H1-5: variants seen among roughly 807,000 people sequenced by gnomAD.
H1-5 encodes H1.5 linker histone, cluster member, also known as histone H1.5.
Under a neutral mutation model 4.6 loss-of-function variants are expected in H1-5, and 3 were observed. The ratio of observed to expected loss-of-function variants is 0.65; its 90% confidence interval spans 0.30 to 1.68. The LOEUF (loss-of-function observed/expected upper bound fraction) is 1.68, where lower values mean the gene tolerates loss of function less well. Among genes scored for constraint, H1-5 ranks in the 40% most tolerant of loss-of-function variants. H1-5 has a pLI of 0.10. For missense variants in H1-5, 521 were observed against 287.9 expected, an observed-to-expected ratio of 1.81 and a Z score of -5.86; for synonymous variants, 250 against 123.4, an observed-to-expected ratio of 2.03 and a Z score of -6.80.
In H1-5 at chr6:27,866,858, T is replaced by C. The variant is rs1306552166; in HGVS notation, c.672A>G (p.Lys224=). The C allele has an allele frequency of 1.9e-6, 3 of 1,591,404 alleles. No individual in the cohort carries two copies. Among genetic ancestry groups the C allele is most frequent in the South Asian group, 1.1e-5 (1 of 87,148 alleles). Residue 224 remains lysine (K), a synonymous_variant, in exon 1 of 1, where the codon AAA becomes AAG. Transcript: ENST00000331442. ...TTCACACGCCAGCTTCCTACTTCTTTTTGGCAGCCGCCTTCTTGGCCTTTG... is the reference window on the plus strand; with the variant it reads ...TTCACACGCCAGCTTCCTACTTCTTCTTGGCAGCCGCCTTCTTGGCCTTTG... ...KAAKAKKAAA[K]KK
In H1-5 at chr6:27,867,373, C is replaced by A. The variant is rs574275810; in HGVS notation, c.157G>T (p.Ala53Ser). 2 of 1,614,146 alleles carry A rather than the reference C, an allele frequency of 1.2e-6. No homozygotes were observed. The highest frequency in any genetic ancestry group is 1.7e-6 in the Non-Finnish European group (2 of 1,180,054). ...VSELITKAVA[A>S]SKERNGLSLA... is the part of the protein sequence containing the mutation. Reference sequence around the variant, plus strand: ...GAAAGGCCATTGCGCTCCTTAGAAGCAGCCACAGCCTTGGTGATCAGCTCT... The same window carrying A: ...GAAAGGCCATTGCGCTCCTTAGAAGAAGCCACAGCCTTGGTGATCAGCTCT... The change falls in exon 1 of 1, where the codon GCT becomes TCT. Residue 53 changes from alanine (A) to serine (S), a missense_variant. Physicochemically the swap from Ala to Ser is moderately conservative, Grantham distance 99. Coordinates refer to ENST00000331442, the MANE Select transcript of H1-5 (RefSeq NM_005322.3).
rs764037159 is a variant in H1-5, at chr6:27,866,892, G to C, written c.638C>G (p.Pro213Arg). ...PKAAKPKAAK[P>R]KAAKAKKAAA... is the part of the protein sequence containing the mutation. ...CGCCTTCTTGGCCTTTGCAGCTTTA[G>C]GTTTTGCTGCTTTGGGCTTAGCGGC... Residue 213 changes from proline (P) to arginine (R), a missense_variant, in exon 1 of 1, where the codon CCT (proline) becomes CGT (arginine). Coordinates refer to ENST00000331442, the MANE Select transcript of H1-5 (RefSeq NM_005322.3). 1.2e-6 allele frequency: 2 copies of C among 1,606,794 alleles called. No individual in the cohort carries two copies. The highest frequency in any genetic ancestry group is 1.7e-5 in the Admixed American group (1 of 57,756).
chr6:27,867,157 T>C lies in H1-5; in HGVS notation c.373A>G (p.Lys125Glu). Residue 125 changes from lysine (K) to glutamate (E), a missense_variant, in exon 1 of 1, where the codon AAG becomes GAG. Coordinates refer to ENST00000331442, the MANE Select transcript of H1-5 (RefSeq NM_005322.3). ...TTCTTAGCTTTAGCGGCGCCTGCCT[T>C]CTTGGCTTTGGGCTTGGCTTCCCCG... is the stretch of plus-strand genomic sequence containing the variant. Reference protein sequence around the residue: ...ASGEAKPKAKKAGAAKAKKPA... With the variant: ...ASGEAKPKAKEAGAAKAKKPA... The C allele has an allele frequency of 7.4e-6, 12 of 1,614,140 alleles. No homozygotes were observed. The highest frequency in any genetic ancestry group is 1.0e-5 in the Non-Finnish European group (12 of 1,180,018).
In H1-5 at chr6:27,867,073, T is replaced by C. The variant is rs1484985687; in HGVS notation, c.457A>G (p.Lys153Glu). ...KKAAGAKKAV[K>E]KTPKKAKKPA... ...TTCTTCGCCTTCTTCGGAGTCTTCT[T>C]CACTGCCTTTTTCGCCCCTGCAGCC... The change falls in exon 1 of 1, where the codon AAG (lysine) becomes GAG (glutamate). Residue 153 changes from lysine (K) to glutamate (E), a missense_variant. Transcript: ENST00000331442. 1 of 1,613,754 alleles carries C rather than the reference T, an allele frequency of 6.2e-7. No homozygotes were observed. The highest frequency in any genetic ancestry group is 2.2e-5 in the East Asian group (1 of 44,880).
chr6:27,866,891 A>G lies in H1-5; in HGVS notation c.639T>C (p.Pro213=). ...PKAAKPKAAK[P]KAAKAKKAAA... ...CCGCCTTCTTGGCCTTTGCAGCTTTAGGTTTTGCTGCTTTGGGCTTAGCGG... is the reference window on the plus strand; with the variant it reads ...CCGCCTTCTTGGCCTTTGCAGCTTTGGGTTTTGCTGCTTTGGGCTTAGCGG... The change falls in exon 1 of 1, where the codon CCT becomes CCC. Residue 213 remains proline (P), a synonymous_variant. Coordinates refer to ENST00000331442, the MANE Select transcript of H1-5 (RefSeq NM_005322.3). 6.2e-7 allele frequency: 1 copy of G among 1,605,568 alleles called. No individual in the cohort carries two copies. The highest frequency in any genetic ancestry group is 8.5e-7 in the Non-Finnish European group (1 of 1,177,830).
At position 27,866,923 on chromosome 6, in the gene H1-5, G is replaced by A. The variant is rs772515913; in HGVS notation, c.607C>T (p.Pro203Ser). The A allele has an allele frequency of 6.2e-6, 10 of 1,613,818 alleles. No individual in the cohort carries two copies. The highest frequency in any genetic ancestry group is 2.7e-5 in the African/African-American group (2 of 74,884). Residue 203 changes from proline to serine, a missense_variant, in exon 1 of 1, where the codon CCC (proline) becomes TCC (serine). Physicochemically the swap from Pro to Ser is moderately conservative, Grantham distance 74 (BLOSUM62 -1). Coordinates refer to ENST00000331442, the MANE Select transcript of H1-5 (RefSeq NM_005322.3). ...PKAVKPKAAKPKAAKPKAAKP... is the reference protein window; with the variant it reads ...PKAVKPKAAKSKAAKPKAAKP... Reference sequence around the variant, plus strand: ...GCTGCTTTGGGCTTAGCGGCTTTGGGCTTTGCCGCCTTCGGCTTAACTGCC... The same window carrying A: ...GCTGCTTTGGGCTTAGCGGCTTTGGACTTTGCCGCCTTCGGCTTAACTGCC...
Position 27,866,795 on chromosome 6 carries a change from G to A in H1-5, c.*54C>T, listed in dbSNP as rs1761517810. On this transcript the variant is annotated 3_prime_UTR_variant, in exon 1 of 1. Transcript: ENST00000331442. Reference sequence around the variant, plus strand: ...ACAGCCATTTTTTAGAGGTCTCTGGGTGGCTCTGAAAAGAGCCTTTGGGGC... The same window carrying A: ...ACAGCCATTTTTTAGAGGTCTCTGGATGGCTCTGAAAAGAGCCTTTGGGGC... The A allele has an allele frequency of 4.9e-6, 7 of 1,415,718 alleles. No individual in the cohort carries two copies. The highest frequency in any genetic ancestry group is 6.7e-6 in the Non-Finnish European group (7 of 1,051,242). The allele number at this position is 1,415,718 out of a possible 1,614,324, so 87.7% of individuals were successfully genotyped here. A position where few individuals can be genotyped will look rare whatever the true frequency, so the allele number is the denominator to read the frequency against.
In H1-5 at chr6:27,866,864, AGCCGCCTTCTTGGCCTTT is replaced by A; in HGVS notation, c.648_665del (p.Lys217_Ala222del). On this transcript the variant is annotated inframe_deletion, in exon 1 of 1. Coordinates refer to ENST00000331442, the MANE Select transcript of H1-5 (RefSeq NM_005322.3). The stretch of plus-strand genomic sequence containing the variant: ...CGCCAGCTTCCTACTTCTTTTTGGC[AGCCGCCTTCTTGGCCTTT>A]GCAGCTTTAGGTTTTGCTGCTTTGG... 1 of 1,590,522 alleles carries A rather than the reference AGCCGCCTTCTTGGCCTTT, an allele frequency of 6.3e-7. No individual in the cohort carries two copies. The highest frequency in any genetic ancestry group is 8.5e-7 in the Non-Finnish European group (1 of 1,173,422).
At position 27,867,164 on chromosome 6, in the gene H1-5, T is replaced by C. The variant is rs756204649; in HGVS notation, c.366A>G (p.Lys122=). 35 of 1,614,038 alleles carry C rather than the reference T, an allele frequency of 2.2e-5. No homozygotes were observed. Among genetic ancestry groups the C allele is most frequent in the Non-Finnish European group, 2.7e-5 (32 of 1,180,010 alleles). ...KKAASGEAKP[K]AKKAGAAKAK... ...CTTTAGCGGCGCCTGCCTTCTTGGC[T>C]TTGGGCTTGGCTTCCCCGGAGGCCG... The change falls in exon 1 of 1, where the codon AAA becomes AAG. Residue 122 remains lysine (K), a synonymous_variant. Coordinates refer to ENST00000331442, the MANE Select transcript of H1-5 (RefSeq NM_005322.3).
In H1-5 at chr6:27,867,053, C is replaced by A. The variant is rs114406891; in HGVS notation, c.477G>T (p.Ala159=). ...KKAVKKTPKK[A]KKPAAAGVKK... is the part of the protein sequence containing the mutation. Reference sequence around the variant, plus strand: ...TGACGCCAGCCGCCGCGGGCTTCTTCGCCTTCTTCGGAGTCTTCTTCACTG... The same window carrying A: ...TGACGCCAGCCGCCGCGGGCTTCTTAGCCTTCTTCGGAGTCTTCTTCACTG... The change falls in exon 1 of 1, where the codon GCG becomes GCT. Residue 159 remains alanine (A), a synonymous_variant. Transcript: ENST00000331442. 2.0e-5 allele frequency: 33 copies of A among 1,613,670 alleles called. No individual in the cohort carries two copies. The highest frequency in any genetic ancestry group is 5.0e-5 in the Admixed American group (3 of 59,930).
In H1-5 at chr6:27,866,969, G is replaced by C. The variant is rs769578257; in HGVS notation, c.561C>G (p.Thr187=). Residue 187 remains threonine (T), a synonymous_variant, in exon 1 of 1, where the codon ACC becomes ACG. Transcript: ENST00000331442. The stretch of plus-strand genomic sequence containing the variant: ...CTGCCTTGGGCTTGGCAGGACTCTT[G>C]GTTGCCTTTTTCGGTTTGGCAGCGG... ...AKAAAKPKKA[T]KSPAKPKAVK... 3.7e-6 allele frequency: 6 copies of C among 1,614,216 alleles called. No homozygotes were observed. Among genetic ancestry groups the C allele is most frequent in the East Asian group, 4.5e-5 (2 of 44,882 alleles).
chr6:27,867,133 T>C lies in H1-5; in HGVS notation c.397A>G (p.Lys133Glu), dbSNP rs960161336. 2 of 1,614,010 alleles carry C rather than the reference T, an allele frequency of 1.2e-6. No individual in the cohort carries two copies. Among genetic ancestry groups the C allele is most frequent in the Admixed American group, 1.7e-5 (1 of 60,014 alleles). Residue 133 changes from lysine (K) to glutamate (E), a missense_variant, in exon 1 of 1, where the codon AAG (lysine) becomes GAG (glutamate). Transcript: ENST00000331442. The part of the protein sequence containing the change: ...AKKAGAAKAK[K>E]PAGATPKKAK... ...TTCTTAGGCGTGGCCCCCGCGGGCT[T>C]CTTAGCTTTAGCGGCGCCTGCCTTC...
Position 27,867,459 on chromosome 6 carries a change from G to A in H1-5, c.71C>T (p.Ala24Val), listed in dbSNP as rs754356890. ...GCCGGCGCCGGCAGCCTTCTTAGTT[G>A]CCTTCTTCTTAGCCGGGGATTTCTC... ...PVEKSPAKKK[A>V]TKKAAGAGAA... Residue 24 changes from alanine (A) to valine (V), a missense_variant, in exon 1 of 1, where the codon GCA (alanine) becomes GTA (valine). Coordinates refer to ENST00000331442, the MANE Select transcript of H1-5 (RefSeq NM_005322.3). 5 of 1,601,266 alleles carry A rather than the reference G, an allele frequency of 3.1e-6. No individual in the cohort carries two copies. In the African/African-American group the frequency reaches 4.1e-5, roughly 13 times the overall value.
chr6:27,867,084 T>G lies in H1-5; in HGVS notation c.446A>C (p.Lys149Thr). 1 of 1,613,786 alleles carries G rather than the reference T, an allele frequency of 6.2e-7. No individual in the cohort carries two copies. The highest frequency in any genetic ancestry group is 8.5e-7 in the Non-Finnish European group (1 of 1,179,864). Residue 149 changes from lysine (K) to threonine (T), a missense_variant, in exon 1 of 1, where the codon AAA becomes ACA. Physicochemically the swap from Lys to Thr is moderately conservative, Grantham distance 78. Transcript: ENST00000331442. ...CTTCGGAGTCTTCTTCACTGCCTTTTTCGCCCCTGCAGCCTTCTTGGCCTT... is the reference window on the plus strand; with the variant it reads ...CTTCGGAGTCTTCTTCACTGCCTTTGTCGCCCCTGCAGCCTTCTTGGCCTT... ...PKKAKKAAGA[K>T]KAVKKTPKKA... is the part of the protein sequence containing the mutation.
chr6:27,867,364 C>T lies in H1-5; in HGVS notation c.166G>A (p.Glu56Lys), dbSNP rs1186033330. 3.7e-6 allele frequency: 6 copies of T among 1,614,164 alleles called. No individual in the cohort carries two copies. Among genetic ancestry groups the T allele is most frequent in the Non-Finnish European group, 5.1e-6 (6 of 1,180,056 alleles). ...GCTGCCAAAGAAAGGCCATTGCGCT[C>T]CTTAGAAGCAGCCACAGCCTTGGTG... Reference protein sequence around the residue: ...LITKAVAASKERNGLSLAALK... With the variant: ...LITKAVAASKKRNGLSLAALK... The change falls in exon 1 of 1, where the codon GAG (glutamate) becomes AAG (lysine). Residue 56 changes from glutamate to lysine, a missense_variant. Glu to Lys is a moderately conservative substitution (Grantham distance 56). Transcript: ENST00000331442.
chr6:27,867,170 C>G lies in H1-5; in HGVS notation c.360G>C (p.Lys120Asn), dbSNP rs201327319. The G allele has an allele frequency of 2.5e-6, 4 of 1,614,062 alleles. No homozygotes were observed. Among genetic ancestry groups the G allele is most frequent in the African/African-American group, 2.7e-5 (2 of 74,938 alleles). The change falls in exon 1 of 1, where the codon AAG (lysine) becomes AAC (asparagine). Residue 120 changes from lysine (K) to asparagine (N), a missense_variant. Transcript: ENST00000331442. ...LNKKAASGEAKPKAKKAGAAK... is the reference protein window; with the variant it reads ...LNKKAASGEANPKAKKAGAAK... ...CGGCGCCTGCCTTCTTGGCTTTGGG[C>G]TTGGCTTCCCCGGAGGCCGCCTTCT... is the stretch of plus-strand genomic sequence containing the variant.
At position 27,866,827 on chromosome 6, in the gene H1-5, G is replaced by A. The variant is rs1335218065; in HGVS notation, c.*22C>T. 5.8e-6 allele frequency: 9 copies of A among 1,563,156 alleles called. No individual in the cohort carries two copies. The highest frequency in any genetic ancestry group is 2.2e-5 in the East Asian group (1 of 44,502). ...TGAAAAGAGCCTTTGGGGCTTTGTTGCGGTTTTCACACGCCAGCTTCCTAC... is the reference window on the plus strand; with the variant it reads ...TGAAAAGAGCCTTTGGGGCTTTGTTACGGTTTTCACACGCCAGCTTCCTAC... On this transcript the variant is annotated 3_prime_UTR_variant, in exon 1 of 1. Coordinates refer to ENST00000331442, the MANE Select transcript of H1-5 (RefSeq NM_005322.3).
chr6:27,867,410 C>A lies in H1-5; in HGVS notation c.120G>T (p.Gly40=), dbSNP rs571917264. Reference sequence around the variant, plus strand: ...TGGTGATCAGCTCTGAGACTGGGGGCCCCGTCGCTTTGCGCTTAGCAGCGC... The same window carrying A: ...TGGTGATCAGCTCTGAGACTGGGGGACCCGTCGCTTTGCGCTTAGCAGCGC... ...GAGAAKRKAT[G]PPVSELITKA... is the part of the protein sequence containing the mutation. Residue 40 remains glycine (G), a synonymous_variant, in exon 1 of 1, where the codon GGG becomes GGT. Transcript: ENST00000331442. 1.9e-6 allele frequency: 3 copies of A among 1,613,960 alleles called. No homozygotes were observed. The highest frequency in any genetic ancestry group is 1.7e-4 in the Middle Eastern group (1 of 6,060).
In H1-5 at chr6:27,867,443, G is replaced by A. The variant is rs762937170; in HGVS notation, c.87C>T (p.Ala29=). The A allele has an allele frequency of 6.2e-6, 10 of 1,609,178 alleles. No individual in the cohort carries two copies. Among genetic ancestry groups the A allele is most frequent in the East Asian group, 2.2e-5 (1 of 44,822 alleles). ...PAKKKATKKA[A]GAGAAKRKAT... is the part of the protein sequence containing the mutation. ...CTTTGCGCTTAGCAGCGCCGGCGCCGGCAGCCTTCTTAGTTGCCTTCTTCT... is the reference window on the plus strand; with the variant it reads ...CTTTGCGCTTAGCAGCGCCGGCGCCAGCAGCCTTCTTAGTTGCCTTCTTCT... Residue 29 remains alanine (A), a synonymous_variant, in exon 1 of 1, where the codon GCC becomes GCT. Transcript: ENST00000331442.
Sources: allele counts gnomAD v4.1 joint callset, GRCh38; gene constraint gnomAD v4.1.1; transcripts MANE v1.5; gene names NCBI Gene and HGNC (gene_info 2026-07-23, HGNC 2026-07-21).